The following TVP23A variants were observed in gnomAD, a reference collection of about 807,000 sequenced individuals.
TVP23A encodes the protein trans-golgi network vesicle protein 23 homolog A, also known as Golgi apparatus membrane protein TVP23 homolog A.
A neutral mutation model predicts 31.7 loss-of-function variants in TVP23A; 21 were observed. That is an observed-to-expected ratio of 0.66 (90% CI 0.47 to 0.95). The LOEUF is 0.95. TVP23A is among the 40% of genes least tolerant of loss of function. The pLI, the probability that TVP23A is intolerant of heterozygous loss-of-function variation, is 0.00. For missense variants in TVP23A, 279 were observed against 255.6 expected (o/e 1.09, Z -0.62); for synonymous variants, 104 against 96.0 (o/e 1.08, Z -0.49).
rs79670967 is a variant in TVP23A, at chr16:10,804,276, T to C, written c.89+13827A>G. On this transcript the variant is annotated intron_variant, in intron 2 of 7. Coordinates refer to ENST00000299866, the MANE Select transcript of TVP23A (RefSeq NM_001079512.4). ...TTGGGCCCCTGGAAAATGCTTTCGTTGGGATAATATTTTCTCACCACTGTT... is the reference window on the plus strand; with the variant it reads ...TTGGGCCCCTGGAAAATGCTTTCGTCGGGATAATATTTTCTCACCACTGTT... 9.7e-3 allele frequency among the ~76,000 whole-genome samples: 1,480 copies of C among 152,292 alleles called. 28 individuals carry two copies. Among genetic ancestry groups the C allele is most frequent in the African/African-American group, 0.034 (1,401 of 41,558 alleles).
Position 10,818,477 on chromosome 16 carries a change from G to T in TVP23A, c.9+8C>A. 6.2e-7 allele frequency: 1 copy of T among 1,605,044 alleles called. No homozygotes were observed. ...CCGCCTCCAGCCCCAGCATCCCCGA[G>T]GCCCTACCTGCTTCATCACCCTCCC... On this transcript the variant is annotated splice_region_variant and intron_variant, in intron 1 of 7. Transcript: ENST00000299866. This position sits in a 1 kb window ranked among gnomAD's most constrained non-coding sequence, Gnocchi z 4.7.
downstream of TVP23A, among the ~76,000 whole-genome samples, chr16:10,762,423 C>T (rs1400675304): frequency 2.0e-5 from 3 of 152,226 alleles, no homozygotes; most frequent in Non-Finnish European, 4.4e-5. Context: ...GGCCCTGAGG[C>T]TGAAGGAGGG....
chr16:10,763,607 G>C (rs951241455), downstream of TVP23A: 3 of 152,330 alleles, frequency 2.0e-5, no homozygotes, highest in Non-Finnish European at 4.4e-5. Flanking sequence ...TGCCCTCTGA[G>C]GCCCCTGGAG....
At chr16:10,789,609 A>G (rs996946949) in intron 2 of TVP23A, among the ~76,000 whole-genome samples, 1 of 146,392 alleles carries the variant, frequency 6.8e-6, no homozygotes, top group African/African-American at 2.6e-5. Context: ...CTGGTGGATC[A>G]CCTGAGGTCA....
intron 2 of TVP23A, among the ~76,000 whole-genome samples, chr16:10,781,328 CAA>C (rs796378471): frequency 9.8e-5 from 10 of 102,334 alleles, no homozygotes; most frequent in Admixed American, 1.1e-4. Context: ...GACTCCATCT[CAA>C]AAAAAAAAAA....
Position 10,770,271 on chromosome 16 carries a change from C to A in TVP23A, c.*1G>T. The A allele has an allele frequency of 6.4e-7, 1 of 1,550,944 alleles. No individual in the cohort carries two copies. The highest frequency in any genetic ancestry group is 8.7e-7 in the Non-Finnish European group (1 of 1,146,794). On this transcript the variant is annotated splice_donor_variant, in intron 7 of 7. Transcript: ENST00000299866. LOFTEE classifies it low-confidence loss of function (3UTR_SPLICE). ...CACGGGTGCCATGATCCATTTCTCA[C>A]CTAATGCTGGTGAATCTCCAGCCCC...
rs1259655238 is a variant in TVP23A at position 10,768,614 on chromosome 16, T to A, written c.*488A>T. The A allele has an allele frequency of 1.3e-5, 2 of 158,858 alleles. No individual in the cohort carries two copies. The highest frequency in any genetic ancestry group is 4.8e-5 in the African/African-American group (2 of 41,538). The allele number at this position is 158,858 out of a possible 1,614,324, so 9.8% of individuals were successfully genotyped here. A position where few individuals can be genotyped will look rare whatever the true frequency, so the allele number is the denominator to read the frequency against. On this transcript the variant is annotated 3_prime_UTR_variant, in exon 8 of 8. Coordinates refer to ENST00000299866, the MANE Select transcript of TVP23A (RefSeq NM_001079512.4). The surrounding 1 kb of genome is among the most constrained non-coding windows in gnomAD (Gnocchi z 4.3). ...AGCGTGAGACCGTGTCTCAAAAAAA[T>A]AAAAAATAAAAATAAAAACTTTGTT...
rs137938263 is a variant in TVP23A at position 10,802,748 on chromosome 16, A to G, written c.89+15355T>C. On this transcript the variant is annotated intron_variant, in intron 2 of 7. Coordinates refer to ENST00000299866, the MANE Select transcript of TVP23A (RefSeq NM_001079512.4). The stretch of plus-strand genomic sequence containing the variant: ...AACGTATCTTGCTGCTGTATTTTAC[A>G]TATTTATTTTATTTGCAGTTTCATT... Among the ~76,000 whole-genome samples the G allele has an allele frequency of 2.0e-3, 304 of 152,268 alleles. 4 individuals are homozygous for G. In the South Asian group the frequency reaches 0.02, roughly 10 times the overall value.
intron 2 of TVP23A, among the ~76,000 whole-genome samples, chr16:10,798,325 C>G (rs1044674108): frequency 2.0e-5 from 3 of 152,024 alleles, no homozygotes; most frequent in African/African-American, 7.2e-5. Context: ...CTGCCATTTA[C>G]TTGTGTGACC....
At position 10,779,834 on chromosome 16, in the gene TVP23A, T is replaced by A. The variant is rs1167414321; in HGVS notation, c.90-4738A>T. Among the ~76,000 whole-genome samples, 1 of 152,136 alleles carries A rather than the reference T, an allele frequency of 6.6e-6. No individual in the cohort carries two copies. Among genetic ancestry groups the A allele is most frequent in the Non-Finnish European group, 1.5e-5 (1 of 68,014 alleles). Reference sequence around the variant, plus strand: ...CGGGGGCGGTGGCTCACGCCTGTAATCCCCAGCCCTTTGGGAAGCTGAGGC... The same window carrying A: ...CGGGGGCGGTGGCTCACGCCTGTAAACCCCAGCCCTTTGGGAAGCTGAGGC... On this transcript the variant is annotated intron_variant, in intron 2 of 7. Coordinates refer to ENST00000299866, the MANE Select transcript of TVP23A (RefSeq NM_001079512.4). This position sits in a 1 kb window ranked among gnomAD's most constrained non-coding sequence, Gnocchi z 4.9.
downstream of TVP23A, chr16:10,757,894 G>A (rs749989453): frequency 2.0e-5 from 33 of 1,613,882 alleles, no homozygotes; most frequent in Non-Finnish European, 2.5e-5. This position sits in a 1 kb window ranked among gnomAD's most constrained non-coding sequence, Gnocchi z 4.1. Context: ...CAGTTCCTCC[G>A]AGATGTGGAC....
At position 10,769,091 on chromosome 16, in the gene TVP23A, C is replaced by T; in HGVS notation, c.*11G>A. On this transcript the variant is annotated 3_prime_UTR_variant, in exon 8 of 8. Coordinates refer to ENST00000299866, the MANE Select transcript of TVP23A (RefSeq NM_001079512.4). ...TCTCCATCAGTCAAAAGAAGAGAAC[C>T]TCATCAGTTCCTGAAACGAGAGAAT... 1 of 1,613,994 alleles carries T rather than the reference C, an allele frequency of 6.2e-7. No individual in the cohort carries two copies. Among genetic ancestry groups the T allele is most frequent in the East Asian group, 2.2e-5 (1 of 44,870 alleles).
chr16:10,794,838 C>T (rs1463090595), intron 2 of TVP23A, among the ~76,000 whole-genome samples: 6 of 152,048 alleles, frequency 3.9e-5, no homozygotes, highest in African/African-American at 1.4e-4. Flanking sequence ...GTGGCAGAAT[C>T]AACAGGAGGT....
At chr16:10,789,089 A>G (rs1166065088) in intron 2 of TVP23A, among the ~76,000 whole-genome samples, 1 of 152,100 alleles carries the variant, frequency 6.6e-6, no homozygotes, top group Non-Finnish European at 1.5e-5. Context: ...CGGCCTCCCA[A>G]AGTGCTGGGA....
intron 2 of TVP23A, among the ~76,000 whole-genome samples, chr16:10,811,846 G>A (rs2034215429): frequency 1.4e-5 from 2 of 147,866 alleles, no homozygotes; most frequent in African/African-American, 2.5e-5. Context: ...GGAGCTTGCA[G>A]TGAGCCAAGA....
intron 6 of TVP23A, 57 bp from the exon 7 acceptor site, chr16:10,770,388 C>T: frequency 6.6e-7 from 1 of 1,519,832 alleles, no homozygotes; most frequent in Non-Finnish European, 8.8e-7. Flanking sequence ...TGGGGCGATC[C>T]TGCTGATGGA....
At chr16:10,791,177 A>G (rs1013720247) in intron 2 of TVP23A, among the ~76,000 whole-genome samples, 7 of 152,148 alleles carry the variant, frequency 4.6e-5, no homozygotes, top group Non-Finnish European at 8.8e-5. Flanking sequence ...AATAGTCAAC[A>G]TTTTTGAGAA....
chr16:10,817,248 A>T (rs1237149090), intron 2 of TVP23A, among the ~76,000 whole-genome samples: 2 of 152,228 alleles, frequency 1.3e-5, no homozygotes, highest in Non-Finnish European at 1.5e-5. Flanking sequence ...CGGCCATAGG[A>T]AACTAATACA....
At chr16:10,798,969 T>A (rs1193756508) in intron 2 of TVP23A, among the ~76,000 whole-genome samples, 1 of 152,182 alleles carries the variant, frequency 6.6e-6, no homozygotes, top group Non-Finnish European at 1.5e-5. Flanking sequence ...GGTGACTCTG[T>A]TTCTGTCTTG....
Sources: gnomAD v4.1 joint callset for allele counts (sites outside exome capture counted in the v4.1 genomes callset) on GRCh38, gnomAD v4.1.1 for gene constraint, Gnocchi (gnomAD v3.1) non-coding constraint, MANE v1.5 for transcripts, NCBI Gene and HGNC (gene_info 2026-07-23, HGNC 2026-07-21) for gene names.